NDUFS4: variants seen among roughly 807,000 people sequenced by gnomAD.
NDUFS4 encodes the protein NADH:ubiquinone oxidoreductase subunit S4, also known as NADH dehydrogenase [ubiquinone] iron-sulfur protein 4, mitochondrial.
A neutral mutation model predicts 24.3 loss-of-function variants in NDUFS4; 28 were observed. That is an observed-to-expected ratio of 1.15 (90% CI 0.85 to 1.58). The LOEUF is 1.58. Ranked by LOEUF, NDUFS4 falls within the 40% of genes most tolerant of loss-of-function variation. NDUFS4 has a pLI of 0.00. For synonymous variants in NDUFS4, 93 were observed against 69.7 expected (o/e 1.34, Z -1.67); for missense variants, 223 against 207.9 (o/e 1.07, Z -0.45).
At chr5:53,582,087 T>C (rs1337932919) in intron 1 of NDUFS4, among the ~76,000 whole-genome samples, 2 of 152,006 alleles carry the variant, frequency 1.3e-5, no homozygotes, top group African/African-American at 4.8e-5. Flanking sequence ...GTTGGGTGCC[T>C]GTAGTCCCAG....
intron 2 of NDUFS4, among the ~76,000 whole-genome samples, chr5:53,619,474 A>C (rs1750960759): frequency 7.5e-6 from 1 of 132,696 alleles, no homozygotes; most frequent in Non-Finnish European, 1.6e-5. Context: ...GTGACACAGC[A>C]AGACTCTGTC....
At chr5:53,639,868 A>G (rs917444575) in intron 2 of NDUFS4, among the ~76,000 whole-genome samples, 1 of 152,166 alleles carries the variant, frequency 6.6e-6, no homozygotes, top group Non-Finnish European at 1.5e-5. Flanking sequence ...AAGAGAAGAC[A>G]GGTAGGAAAT....
chr5:53,634,608 T>G (rs1751497587), intron 2 of NDUFS4, among the ~76,000 whole-genome samples: 1 of 152,024 alleles, frequency 6.6e-6, no homozygotes, highest in African/African-American at 2.4e-5. Flanking sequence ...CCCTTCCCCC[T>G]CCTTCCTCTC....
intron 1 of NDUFS4, among the ~76,000 whole-genome samples, chr5:53,599,431 T>A (rs1378454266): frequency 1.3e-5 from 2 of 152,198 alleles, no homozygotes; most frequent in Non-Finnish European, 2.9e-5. Flanking sequence ...TTTCTGTTTT[T>A]ATATACTAAA....
chr5:53,667,808 T>G (rs1752563974), intron 4 of NDUFS4, among the ~76,000 whole-genome samples: 1 of 152,336 alleles, frequency 6.6e-6, no homozygotes, highest in Admixed American at 6.5e-5. Flanking sequence ...CAAGTCATGC[T>G]TCACTACACT....
intron 4 of NDUFS4, among the ~76,000 whole-genome samples, chr5:53,678,655 C>A (rs1740553127): frequency 6.6e-6 from 1 of 151,998 alleles, no homozygotes. Flanking sequence ...TAAGTTTGGG[C>A]TCTTTCTTTT....
intron 1 of NDUFS4, among the ~76,000 whole-genome samples, chr5:53,600,782 C>T (rs1412690867): frequency 1.3e-5 from 2 of 152,110 alleles, no homozygotes; most frequent in African/African-American, 2.4e-5. Context: ...CTTACACAAG[C>T]ACACGTTTTA....
chr5:53,607,218 T>G (rs1398211693), intron 2 of NDUFS4, among the ~76,000 whole-genome samples: 1 of 152,210 alleles, frequency 6.6e-6, no homozygotes, highest in Non-Finnish European at 1.5e-5. Context: ...TTGCCCATGA[T>G]ACACTTCAAG....
intron 2 of NDUFS4, among the ~76,000 whole-genome samples, chr5:53,624,514 A>G (rs1017423915): frequency 1.3e-5 from 2 of 152,128 alleles, no homozygotes; most frequent in Non-Finnish European, 2.9e-5. Flanking sequence ...ATTTCTTTTA[A>G]CAGTGTTTTG....
intron 4 of NDUFS4, among the ~76,000 whole-genome samples, chr5:53,661,143 T>G (rs1167958544): frequency 3.9e-5 from 6 of 152,284 alleles, no homozygotes; most frequent in Admixed American, 1.3e-4. Flanking sequence ...GGTCTAACAT[T>G]TAAGTCTTTA....
intron 2 of NDUFS4, among the ~76,000 whole-genome samples, chr5:53,611,423 G>A (rs954960857): frequency 6.6e-5 from 10 of 151,846 alleles, no homozygotes; most frequent in African/African-American, 2.4e-4. Flanking sequence ...AAAGAATATG[G>A]CCTCAGAGTA....
intron 2 of NDUFS4, among the ~76,000 whole-genome samples, chr5:53,636,301 CT>C (rs1751549483): frequency 6.6e-6 from 1 of 152,178 alleles, no homozygotes; most frequent in Admixed American, 6.5e-5. Flanking sequence ...TCTGAAGTTT[CT>C]ATCAATTTAT....
Position 53,633,762 on chromosome 5 carries a change from A to C in NDUFS4, c.178-12471A>C, listed in dbSNP as rs146981039. ...CCTTCATACTAATAATTCCTGTCAAAGTATGTTGAGTAAGGCAATTGTAAA... is the reference window on the plus strand; with the variant it reads ...CCTTCATACTAATAATTCCTGTCAACGTATGTTGAGTAAGGCAATTGTAAA... On this transcript the variant is annotated intron_variant, in intron 2 of 4. Coordinates refer to ENST00000296684, the MANE Select transcript of NDUFS4 (RefSeq NM_002495.4). Among the ~76,000 whole-genome samples, 227 of 152,332 alleles carry C rather than the reference A, an allele frequency of 1.5e-3. 1 individual carries two copies. Among genetic ancestry groups the C allele is most frequent in the African/African-American group, 4.9e-3 (205 of 41,576 alleles).
intron 1 of NDUFS4, among the ~76,000 whole-genome samples, chr5:53,562,959 G>C (rs950505840): frequency 1.3e-5 from 2 of 152,170 alleles, no homozygotes; most frequent in Non-Finnish European, 2.9e-5. Context: ...GCCGGGCGCG[G>C]TGGCTCACAC....
chr5:53,576,034 C>G (rs72750150), intron 1 of NDUFS4, among the ~76,000 whole-genome samples: 1 of 152,090 alleles, frequency 6.6e-6, no homozygotes, highest in African/African-American at 2.4e-5. Flanking sequence ...CATTGAATCA[C>G]TGGTTTAGAC....
intron 4 of NDUFS4, among the ~76,000 whole-genome samples, chr5:53,661,875 A>G (rs1160319266): frequency 1.3e-5 from 2 of 152,198 alleles, no homozygotes; most frequent in Non-Finnish European, 2.9e-5. Flanking sequence ...GAAGTTGCCT[A>G]TGAGCTTAAG....
intron 1 of NDUFS4, among the ~76,000 whole-genome samples, chr5:53,575,743 T>C (rs1202490143): frequency 1.3e-5 from 2 of 151,902 alleles, no homozygotes; most frequent in Non-Finnish European, 2.9e-5. Context: ...GGTTTCACCA[T>C]GATGGCCAGG....
intron 3 of NDUFS4, among the ~76,000 whole-genome samples, chr5:53,651,706 C>T (rs1199842155): frequency 6.6e-6 from 1 of 151,196 alleles, no homozygotes; most frequent in Non-Finnish European, 1.5e-5. Context: ...CCATCCTATA[C>T]CTAGAATATA....
intron 2 of NDUFS4, among the ~76,000 whole-genome samples, chr5:53,644,744 T>C (rs1751808454): frequency 6.6e-6 from 1 of 152,078 alleles, no homozygotes; most frequent in Admixed American, 6.6e-5. Flanking sequence ...TAGAAGTGCA[T>C]ATTTGTGTAA....
Sources: allele counts gnomAD v4.1 joint callset (sites outside exome capture counted in the v4.1 genomes callset), GRCh38; gene constraint gnomAD v4.1.1; transcripts MANE v1.5; gene names NCBI Gene and HGNC (gene_info 2026-07-23, HGNC 2026-07-21).